CCDC126: variants seen among roughly 807,000 people sequenced by gnomAD.
CCDC126 encodes coiled-coil domain-containing protein 126.
Under a neutral mutation model 11.7 loss-of-function variants are expected in CCDC126, and 5 were observed. The ratio of observed to expected loss-of-function variants is 0.43; its 90% CI spans 0.22 to 0.90. The LOEUF (loss-of-function observed/expected upper bound fraction) is 0.90, where lower values mean the gene tolerates loss of function less well. Among genes scored for constraint, CCDC126 ranks in the 40% least tolerant of loss-of-function variants. The probability of loss-of-function intolerance (pLI) is 0.27; values close to 1 mark genes in which losing one functional copy is unlikely to be tolerated. For synonymous variants in CCDC126, 60 were observed against 61.9 expected, an observed-to-expected ratio of 0.97 and a Z score of 0.14; for missense variants, 150 against 163.1, an observed-to-expected ratio of 0.92 and a Z score of 0.44.
chr7:23,628,552 G>C lies in CCDC126; in HGVS notation c.239-14379G>C, dbSNP rs372072778. Among the ~76,000 whole-genome samples the C allele has an allele frequency of 4.1e-4, 63 of 152,328 alleles. No individual in the cohort carries two copies. The South Asian group carries it at 0.012, about 29-fold the overall frequency. On this transcript the variant is annotated intron_variant, in intron 3 of 3. Coordinates refer to ENST00000307471, the MANE Select transcript of CCDC126 (RefSeq NM_138771.4). ...GATCAAAGGCCAAGTGGTAAGCCTA[G>C]ACTTTTATCCTTTCAAGGCTACAGT...
chr7:23,631,198 A>G (rs1286277799), intron 3 of CCDC126, among the ~76,000 whole-genome samples: 3 of 152,176 alleles, frequency 2.0e-5, no homozygotes, highest in South Asian at 2.1e-4. Flanking sequence ...AGTAGAGAAT[A>G]TCAATGAAAC....
At chr7:23,626,808 A>G (rs757325864) in intron 3 of CCDC126, among the ~76,000 whole-genome samples, 14 of 152,240 alleles carry the variant, frequency 9.2e-5, no homozygotes, top group African/African-American at 2.7e-4. Context: ...ATGCTAGTCT[A>G]TAATAAATTG....
chr7:23,635,263 G>A (rs1783190224), intron 3 of CCDC126, among the ~76,000 whole-genome samples: 1 of 152,224 alleles, frequency 6.6e-6, no homozygotes, highest in Admixed American at 6.5e-5. Flanking sequence ...GTGTGATGAA[G>A]CACCAAGCTG....
At chr7:23,601,326 G>A (rs1011538487) in intron 2 of CCDC126, among the ~76,000 whole-genome samples, 3 of 152,162 alleles carry the variant, frequency 2.0e-5, no homozygotes, top group Non-Finnish European at 4.4e-5. Flanking sequence ...GGGAGATCAA[G>A]GCTCAGTGAG....
At chr7:23,625,082 G>A (rs1458719168) in intron 3 of CCDC126, among the ~76,000 whole-genome samples, 2 of 152,156 alleles carry the variant, frequency 1.3e-5, no homozygotes, top group African/African-American at 2.4e-5. Context: ...GGAATCAAGC[G>A]ATCCTCCCAC....
intron 2 of CCDC126, among the ~76,000 whole-genome samples, chr7:23,600,100 C>T (rs558291872): frequency 1.1e-3 from 169 of 152,230 alleles, no homozygotes; most frequent in African/African-American, 3.8e-3. Context: ...TTAAATTAAA[C>T]TTTTACTGTA....
At chr7:23,604,647 C>T (rs967891356) in intron 2 of CCDC126, among the ~76,000 whole-genome samples, 4 of 151,848 alleles carry the variant, frequency 2.6e-5, no homozygotes, top group African/African-American at 4.8e-5. Flanking sequence ...GATATCAGGC[C>T]TTAGGGAGAT....
Position 23,635,713 on chromosome 7 carries a change from C to G in CCDC126, c.239-7218C>G, listed in dbSNP as rs998200813. On this transcript the variant is annotated intron_variant, in intron 3 of 3. Coordinates refer to ENST00000307471, the MANE Select transcript of CCDC126 (RefSeq NM_138771.4). ...TTGTAAAGTTATCATATAGTTGTTT[C>G]TCATTTATCCTGACTTTTTCTTTAA... Among the ~76,000 whole-genome samples the G allele has an allele frequency of 4.6e-5, 7 of 152,250 alleles. No individual in the cohort carries two copies. In the East Asian group the frequency reaches 1.2e-3, roughly 25 times the overall value.
chr7:23,638,993 G>T (rs1783303164), intron 3 of CCDC126, among the ~76,000 whole-genome samples: 1 of 151,416 alleles, frequency 6.6e-6, no homozygotes, highest in African/African-American at 2.4e-5. Context: ...ACTGCTGAAG[G>T]GTTTTAAAAA....
chr7:23,623,619 G>A (rs1334169281), intron 3 of CCDC126, among the ~76,000 whole-genome samples: 1 of 151,312 alleles, frequency 6.6e-6, no homozygotes, highest in Non-Finnish European at 1.5e-5. Flanking sequence ...AAAATTTAGT[G>A]ATGGTCAAAG....
intron 3 of CCDC126, among the ~76,000 whole-genome samples, chr7:23,639,802 G>A (rs994276064): frequency 8.1e-5 from 11 of 136,082 alleles, no homozygotes; most frequent in Admixed American, 6.8e-4. Flanking sequence ...CGACCACTAC[G>A]GTAGTACTAC....
At chr7:23,623,245 A>C (rs1782954655) in intron 3 of CCDC126, among the ~76,000 whole-genome samples, 1 of 151,688 alleles carries the variant, frequency 6.6e-6, no homozygotes, top group Non-Finnish European at 1.5e-5. Flanking sequence ...TGCAGGCATG[A>C]GCCACTGTGC....
intron 3 of CCDC126, among the ~76,000 whole-genome samples, chr7:23,621,277 C>T (rs1782892712): frequency 6.6e-6 from 1 of 152,094 alleles, no homozygotes; most frequent in African/African-American, 2.4e-5. Context: ...TGTAGTTCTC[C>T]TTGAAGAGGT....
intron 3 of CCDC126, among the ~76,000 whole-genome samples, chr7:23,632,702 A>C (rs10251610): frequency 0.052 from 7,956 of 152,322 alleles, 605 homozygotes; most frequent in African/African-American, 0.16. Context: ...GTTATCTCAA[A>C]ACAAAAAGTT....
intron 2 of CCDC126, among the ~76,000 whole-genome samples, chr7:23,598,793 A>G (rs749546464): frequency 2.0e-4 from 30 of 152,198 alleles, no homozygotes; most frequent in Admixed American, 5.2e-4. Flanking sequence ...ACAGAGAGTA[A>G]TGGCTACGGA....
chr7:23,639,278 A>G (rs969675693), intron 3 of CCDC126, among the ~76,000 whole-genome samples: 2 of 146,298 alleles, frequency 1.4e-5, no homozygotes, highest in Admixed American at 7.0e-5. Flanking sequence ...TGCAACTTCT[A>G]CCTCCCAAGT....
At chr7:23,601,623 C>T (rs2128013718) in intron 2 of CCDC126, among the ~76,000 whole-genome samples, 1 of 152,238 alleles carries the variant, frequency 6.6e-6, no homozygotes, top group African/African-American at 2.4e-5. Flanking sequence ...TTTGAGTAGT[C>T]ATTAATTCTC....
chr7:23,638,316 C>G (rs1314692776), intron 3 of CCDC126, among the ~76,000 whole-genome samples: 18 of 144,378 alleles, frequency 1.2e-4, no homozygotes, highest in African/African-American at 4.6e-4. Context: ...GGATGGTTGC[C>G]GGGTCTGTGT....
intron 3 of CCDC126, among the ~76,000 whole-genome samples, chr7:23,642,340 TACTC>T (rs1282733092): frequency 6.6e-6 from 1 of 152,156 alleles, no homozygotes; most frequent in Non-Finnish European, 1.5e-5. Flanking sequence ...GTAAATGAGT[TACTC>T]ACAGCGGGAC....
Sources: gnomAD v4.1 joint callset for allele counts (sites outside exome capture counted in the v4.1 genomes callset) on GRCh38, gnomAD v4.1.1 for gene constraint, MANE v1.5 for transcripts, NCBI Gene and HGNC (gene_info 2026-07-23, HGNC 2026-07-21) for gene names.